The following RNF220 variants were observed in gnomAD, a reference collection of about 807,000 sequenced individuals.
The protein encoded by RNF220 is ring finger protein 220, also known as E3 ubiquitin-protein ligase RNF220.
RNF220 carries 7 observed loss-of-function variants against 67.1 expected under a neutral mutation model. The ratio of observed to expected loss-of-function variants is 0.10; its 90% confidence interval spans 0.06 to 0.20. The LOEUF (loss-of-function observed/expected upper bound fraction) is 0.20. Among genes scored for constraint, RNF220 ranks in the 10% least tolerant of loss-of-function variants. The pLI is 1.00. For synonymous variants in RNF220, 270 were observed against 283.2 expected (o/e 0.95, Z 0.47); for missense variants, 565 against 740.3 (o/e 0.76, Z 2.75).
At chr1:44,515,321 T>A (rs1659368892) in intron 2 of RNF220, among the ~76,000 whole-genome samples, 1 of 152,202 alleles carries the variant, frequency 6.6e-6, no homozygotes, top group Non-Finnish European at 1.5e-5. Flanking sequence ...TTGCTGAGAT[T>A]AACTGAGGTC....
chr1:44,447,092 A>G (rs962197782), intron 2 of RNF220, among the ~76,000 whole-genome samples: 2 of 152,248 alleles, frequency 1.3e-5, no homozygotes, highest in Admixed American at 6.5e-5. Flanking sequence ...AAAAAAGCAA[A>G]TCATTTTTCT....
At position 44,412,706 on chromosome 1, in the gene RNF220, G is replaced by A; in HGVS notation, c.609G>A (p.Glu203=). The change falls in exon 2 of 15, where the codon GAG becomes GAA. Residue 203 remains glutamate (E), a synonymous_variant. Coordinates refer to ENST00000361799, the MANE Select transcript of RNF220 (RefSeq NM_018150.4). This position sits in a 1 kb window ranked among gnomAD's most constrained non-coding sequence, Gnocchi z 5.3. ...ISDREASSSP[E]DRNDRCKKKA... is the part of the protein sequence containing the mutation. The stretch of plus-strand genomic sequence containing the variant: ...ATCGGGAAGCCTCATCTAGCCCAGA[G>A]GATCGGAATGACAGATGTAAGTACT... The A allele has an allele frequency of 6.2e-7, 1 of 1,614,006 alleles. No homozygotes were observed. Among genetic ancestry groups the A allele is most frequent in the Non-Finnish European group, 8.5e-7 (1 of 1,179,922 alleles).
intron 2 of RNF220, among the ~76,000 whole-genome samples, chr1:44,436,345 G>T (rs566793105): frequency 1.3e-5 from 2 of 152,014 alleles, no homozygotes; most frequent in African/African-American, 2.4e-5. Flanking sequence ...CCAGTTTTAG[G>T]GGGGGTAATA....
chr1:44,413,679 G>A (rs1202854661), intron 2 of RNF220, among the ~76,000 whole-genome samples: 1 of 152,138 alleles, frequency 6.6e-6, no homozygotes, highest in Non-Finnish European at 1.5e-5. Flanking sequence ...GCAACCCTTT[G>A]TTCTCAGATT....
At chr1:44,556,848 C>T (rs911319625) in intron 2 of RNF220, among the ~76,000 whole-genome samples, 5 of 152,052 alleles carry the variant, frequency 3.3e-5, no homozygotes, top group Admixed American at 1.3e-4. Flanking sequence ...CGTAAGCCAC[C>T]GCGCCCGGCC....
intron 2 of RNF220, among the ~76,000 whole-genome samples, chr1:44,428,141 C>T (rs893321033): frequency 3.9e-5 from 6 of 152,230 alleles, no homozygotes; most frequent in South Asian, 2.1e-4. Context: ...TTAAAATACC[C>T]GAAAAGGCAC....
chr1:44,471,969 C>A (rs1260496235), intron 2 of RNF220, among the ~76,000 whole-genome samples: 1 of 152,150 alleles, frequency 6.6e-6, no homozygotes, highest in Non-Finnish European at 1.5e-5. Flanking sequence ...AATCATAAAA[C>A]CTGTGGCCTT....
intron 2 of RNF220, among the ~76,000 whole-genome samples, chr1:44,465,489 C>T (rs1483443963): frequency 6.6e-6 from 1 of 150,516 alleles, no homozygotes; most frequent in Non-Finnish European, 1.5e-5. Flanking sequence ...AGGCTGGCCT[C>T]AAACTCCCGG....
rs368735304 is a variant in RNF220 at position 44,645,380 on chromosome 1, G to C, written c.1367-30G>C. On this transcript the variant is annotated intron_variant, in intron 11 of 14. Coordinates refer to ENST00000361799, the MANE Select transcript of RNF220 (RefSeq NM_018150.4). This position sits in a 1 kb window ranked among gnomAD's most constrained non-coding sequence, Gnocchi z 5.0. ...CTCACCTGTGCTGCCCAGTCTGGCC[G>C]GAGTGTGAGTTGCCCCTCTGTCCCA... The C allele has an allele frequency of 6.2e-7, 1 of 1,613,834 alleles. No individual in the cohort carries two copies. Among genetic ancestry groups the C allele is most frequent in the Non-Finnish European group, 8.5e-7 (1 of 1,179,800 alleles).
chr1:44,592,209 C>T (rs562052060), intron 2 of RNF220, among the ~76,000 whole-genome samples: 91 of 152,336 alleles, frequency 6.0e-4, no homozygotes, highest in African/African-American at 1.8e-3. Flanking sequence ...TATACTTCCC[C>T]GAATTCCTTC....
At chr1:44,610,087 G>A (rs1437408978) in intron 2 of RNF220, among the ~76,000 whole-genome samples, 1 of 152,192 alleles carries the variant, frequency 6.6e-6, no homozygotes. Flanking sequence ...CGACTGGGGC[G>A]GTGGGGAGGG....
chr1:44,536,892 C>T (rs1661269378), intron 2 of RNF220, among the ~76,000 whole-genome samples: 1 of 152,056 alleles, frequency 6.6e-6, no homozygotes, highest in Non-Finnish European at 1.5e-5. Context: ...AACTGCACGC[C>T]GGATTAGCTT....
rs1041361353 is a variant in RNF220, at chr1:44,412,994, T to A, written c.625+272T>A. On this transcript the variant is annotated intron_variant, in intron 2 of 14. Coordinates refer to ENST00000361799, the MANE Select transcript of RNF220 (RefSeq NM_018150.4). The surrounding 1 kb of genome is among the most constrained non-coding windows in gnomAD (Gnocchi z 5.3). Reference sequence around the variant, plus strand: ...TGGGCTTATTCTCTGAGGACTTGAGTGAAGAGGGGTGCCACCGACGTACTG... The same window carrying A: ...TGGGCTTATTCTCTGAGGACTTGAGAGAAGAGGGGTGCCACCGACGTACTG... 2.6e-5 allele frequency among the ~76,000 whole-genome samples: 4 copies of A among 152,124 alleles called. No homozygotes were observed. Among genetic ancestry groups the A allele is most frequent in the African/African-American group, 9.7e-5 (4 of 41,410 alleles).
intron 2 of RNF220, among the ~76,000 whole-genome samples, chr1:44,591,289 A>G (rs1666098724): frequency 6.6e-6 from 1 of 152,204 alleles, no homozygotes; most frequent in Admixed American, 6.5e-5. Context: ...TGAGAAACCA[A>G]AAGAATTCAG....
chr1:44,545,838 C>A (rs1163081873), intron 2 of RNF220, among the ~76,000 whole-genome samples: 1 of 151,380 alleles, frequency 6.6e-6, no homozygotes, highest in African/African-American at 2.4e-5. Context: ...CTCACTGCAA[C>A]CTCCACCTCC....
intron 2 of RNF220, among the ~76,000 whole-genome samples, chr1:44,558,704 T>C (rs967893092): frequency 2.6e-5 from 4 of 152,240 alleles, no homozygotes; most frequent in African/African-American, 9.6e-5. Context: ...GGAGCTAGAA[T>C]TCAGACCTAG....
chr1:44,558,762 T>G (rs984941868), intron 2 of RNF220, among the ~76,000 whole-genome samples: 3 of 152,136 alleles, frequency 2.0e-5, no homozygotes, highest in African/African-American at 7.2e-5. Flanking sequence ...CCTTACATGA[T>G]CTCAACATAT....
intron 2 of RNF220, among the ~76,000 whole-genome samples, chr1:44,430,803 C>T (rs1650286301): frequency 6.6e-6 from 1 of 152,202 alleles, no homozygotes; most frequent in Non-Finnish European, 1.5e-5. Context: ...CCTTGGCCTC[C>T]CAAAGTGCTG....
intron 4 of RNF220, among the ~76,000 whole-genome samples, chr1:44,623,715 A>T (rs4660814): frequency 0.015 from 2,323 of 152,296 alleles, 74 homozygotes; most frequent in Admixed American, 0.066. Context: ...TGAGAATCTG[A>T]GGGACTCCTG....
Sources: allele counts gnomAD v4.1 joint callset (sites outside exome capture counted in the v4.1 genomes callset), GRCh38; gene constraint gnomAD v4.1.1; non-coding constraint Gnocchi (gnomAD v3.1); transcripts MANE v1.5; gene names NCBI Gene and HGNC (gene_info 2026-07-23, HGNC 2026-07-21).